The following RHEX variants were observed in gnomAD, a reference collection of about 807,000 sequenced individuals.
RHEX encodes regulator of hemoglobinization and erythroid cell expansion protein.
A neutral mutation model predicts 20.1 loss-of-function variants in RHEX; 18 were observed. The ratio of observed to expected loss-of-function variants is 0.90; its 90% CI spans 0.62 to 1.33. The LOEUF (loss-of-function observed/expected upper bound fraction) is 1.33, where lower values mean the gene tolerates loss of function less well. Ranked by LOEUF, RHEX falls within the 40% of genes most tolerant of loss-of-function variation. The pLI, the probability that RHEX is intolerant of heterozygous loss-of-function variation, is 0.00. For synonymous variants in RHEX, 87 were observed against 77.1 expected, an observed-to-expected ratio of 1.13 and a Z score of -0.67; for missense variants, 192 against 214.3, an observed-to-expected ratio of 0.90 and a Z score of 0.65.
intron 1 of RHEX, 65 bp from the exon 2 acceptor site, chr1:206,097,668 A>T: frequency 1.0e-6 from 1 of 970,806 alleles, no homozygotes; most frequent in Non-Finnish European, 1.6e-6. Flanking sequence ...CAAGTAGCTG[A>T]GTTTGCCCAA....
chr1:206,098,222 G>C, intron 3 of RHEX, 41 bp downstream of exon 3: 1 of 1,410,358 alleles, frequency 7.1e-7, no homozygotes. Context: ...GTCACTCTCA[G>C]AGACCATTCT....
rs1249253328 is a variant in RHEX at position 206,102,312 on chromosome 1, A to G, written c.*360A>G. 18 of 225,054 alleles carry G rather than the reference A, an allele frequency of 8.0e-5. No individual in the cohort carries two copies. Among genetic ancestry groups the G allele is most frequent in the Non-Finnish European group, 1.1e-4 (13 of 113,100 alleles). 13.9% of individuals were successfully genotyped at this position (225,054 alleles called of 1,614,324 possible). Reference sequence around the variant, plus strand: ...AGTAGTGAAGTCTCTCCCCAGGGAAAATTTTAAAAAGGTTGAATCAGCTGT... The same window carrying G: ...AGTAGTGAAGTCTCTCCCCAGGGAAGATTTTAAAAAGGTTGAATCAGCTGT... On this transcript the variant is annotated 3_prime_UTR_variant, in exon 6 of 6. Coordinates refer to ENST00000331555, the MANE Select transcript of RHEX (RefSeq NM_001007544.4).
chr1:206,098,942 C>T (rs148618027), intron 3 of RHEX, among the ~76,000 whole-genome samples: 4 of 152,254 alleles, frequency 2.6e-5, no homozygotes, highest in African/African-American at 9.6e-5. Context: ...AAAAATGGAA[C>T]AAGGGAGTTG....
At chr1:206,092,369 G>A (rs1021563043) in intron 1 of RHEX, among the ~76,000 whole-genome samples, 17 of 152,178 alleles carry the variant, frequency 1.1e-4, no homozygotes, top group African/African-American at 2.9e-4. Flanking sequence ...ATCTAGTCCC[G>A]AAATTAGTTA....
chr1:206,061,264 A>G (rs1646011582), intron 1 of RHEX: 1 of 152,216 alleles, frequency 6.6e-6, no homozygotes, highest in Non-Finnish European at 1.5e-5. Flanking sequence ...TTCAAAGTTA[A>G]GCCCTAAACC....
intron 4 of RHEX, 46 bp downstream of exon 4, chr1:206,099,844 C>T (rs781917049): frequency 3.1e-6 from 5 of 1,595,416 alleles, no homozygotes; most frequent in Non-Finnish European, 4.3e-6. Flanking sequence ...ACTAACTTTG[C>T]TCTCTCTGGA....
rs782376971 is a variant in RHEX at position 206,101,904 on chromosome 1, C to T, written c.471C>T (p.Val157=). ...ERHKPSFWYF[V]NPALSEPAEY... ...ACAAGCCCAGTTTCTGGTATTTTGT[C>T]AACCCTGCTCTGTCTGAGCCAGCGG... is the stretch of plus-strand genomic sequence containing the variant. Residue 157 remains valine (V), a synonymous_variant, in exon 6 of 6, where the codon GTC becomes GTT. Transcript: ENST00000331555. The T allele has an allele frequency of 1.9e-6, 3 of 1,614,006 alleles. No homozygotes were observed. The South Asian group carries it at 3.3e-5, about 18-fold the overall frequency.
At chr1:206,072,909 G>A (rs1553284828) in intron 1 of RHEX, among the ~76,000 whole-genome samples, 2 of 149,600 alleles carry the variant, frequency 1.3e-5, no homozygotes. Flanking sequence ...ACAGCTCACG[G>A]CAACCTTAAC....
chr1:206,074,078 C>T (rs1662586400), intron 1 of RHEX, among the ~76,000 whole-genome samples: 1 of 152,166 alleles, frequency 6.6e-6, no homozygotes, highest in Non-Finnish European at 1.5e-5. Flanking sequence ...GCACTGGGCA[C>T]TTTCTCTCTC....
At position 206,101,817 on chromosome 1, in the gene RHEX, C is replaced by T. The variant is rs782277633; in HGVS notation, c.384C>T (p.Ser128=). The T allele has an allele frequency of 2.5e-6, 4 of 1,613,908 alleles. No individual in the cohort carries two copies. The South Asian group carries it at 4.4e-5, about 18-fold the overall frequency. ...FSDPGELKND[S]PLDYENIKEI... ...ACCCTGGAGAACTAAAAAATGACTC[C>T]CCGCTGGACTATGAGAACATAAAGG... The change falls in exon 6 of 6, where the codon TCC becomes TCT. Residue 128 remains serine, a synonymous_variant. Coordinates refer to ENST00000331555, the MANE Select transcript of RHEX (RefSeq NM_001007544.4).
chr1:206,055,554 C>A (rs1662171826), intron 1 of RHEX, among the ~76,000 whole-genome samples: 1 of 152,254 alleles, frequency 6.6e-6, no homozygotes, highest in Non-Finnish European at 1.5e-5. Context: ...TATTTAGATG[C>A]AATCGAAGCC....
intron 1 of RHEX, among the ~76,000 whole-genome samples, chr1:206,079,327 G>C (rs1553285572): frequency 2.0e-5 from 3 of 152,092 alleles, no homozygotes; most frequent in African/African-American, 7.2e-5. Flanking sequence ...TAGTAAAACA[G>C]ACTTGAAAGC....
At chr1:206,082,433 G>A (rs1368697753) in intron 1 of RHEX, among the ~76,000 whole-genome samples, 2 of 151,578 alleles carry the variant, frequency 1.3e-5, no homozygotes, top group Non-Finnish European at 2.9e-5. Context: ...CAGGAGAATC[G>A]CTTGAACCCA....
At chr1:206,098,332 C>T in intron 3 of RHEX, 151 bp downstream of exon 3, 1 of 617,078 alleles carries the variant, frequency 1.6e-6, no homozygotes, top group South Asian at 1.9e-5. Flanking sequence ...CGCTCCCCCT[C>T]CCCCCAATAA....
rs781999919 is a variant in RHEX at position 206,099,760 on chromosome 1, C to G, written c.218C>G (p.Thr73Arg). Residue 73 changes from threonine to arginine, a missense_variant, in exon 4 of 6, where the codon ACA becomes AGA. Transcript: ENST00000331555. ...GTCAAAGAGATGAAGGAGACTCAGA[C>G]AGAGAGAGACATCCCAATGTCTGAT... ...PAVKEMKETQ[T>R]ERDIPMSDSL... The G allele has an allele frequency of 1.9e-6, 3 of 1,614,084 alleles. No individual in the cohort carries two copies. The highest frequency in any genetic ancestry group is 2.2e-5 in the East Asian group (1 of 44,884).
chr1:206,063,852 C>T (rs1662356646), intron 1 of RHEX, among the ~76,000 whole-genome samples: 1 of 151,248 alleles, frequency 6.6e-6, no homozygotes, highest in African/African-American at 2.4e-5. Flanking sequence ...CCTGGCCGCC[C>T]ATCGTCTGGG....
chr1:206,098,478 G>T (rs570900425), intron 3 of RHEX: 1 of 337,178 alleles, frequency 3.0e-6, no homozygotes, highest in East Asian at 5.3e-5. Context: ...GGAAGTGCTC[G>T]TGTAACCTGG....
In RHEX at chr1:206,088,335, T is replaced by C. The variant is rs1485335136; in HGVS notation, c.-96-9398T>C. 2.6e-5 allele frequency among the ~76,000 whole-genome samples: 4 copies of C among 152,226 alleles called. No individual in the cohort carries two copies. The East Asian group carries it at 5.8e-4, about 22-fold the overall frequency. On this transcript the variant is annotated intron_variant, in intron 1 of 5. Coordinates refer to ENST00000331555, the MANE Select transcript of RHEX (RefSeq NM_001007544.4). ...TAAATAACATCCTAAACTTATTTTC[T>C]ATAGATTCATATTTATGAATAAATC...
intron 1 of RHEX, among the ~76,000 whole-genome samples, chr1:206,090,654 A>T (rs1662932015): frequency 6.6e-6 from 1 of 152,108 alleles, no homozygotes; most frequent in Non-Finnish European, 1.5e-5. Context: ...TTTAAAAGTG[A>T]TTTTTAAGTG....
Sources: gnomAD v4.1 joint callset for allele counts (sites outside exome capture counted in the v4.1 genomes callset) on GRCh38, gnomAD v4.1.1 for gene constraint, MANE v1.5 for transcripts, NCBI Gene and HGNC (gene_info 2026-07-23, HGNC 2026-07-21) for gene names.